FGF13: variants seen among roughly 807,000 people sequenced by gnomAD.
FGF13 encodes fibroblast growth factor homologous factor 2.
Under a neutral mutation model 19.5 loss-of-function variants are expected in FGF13, and 2 were observed. The observed-to-expected ratio is 0.10, with a 90% CI of 0.04 to 0.32. The LOEUF is 0.32. Ranked by LOEUF, FGF13 falls within the 10% of genes least tolerant of loss-of-function variation. The pLI is 1.00. For missense variants in FGF13, 113 were observed against 192.7 expected (o/e 0.59, Z 2.45); for synonymous variants, 72 against 76.9 (o/e 0.94, Z 0.33).
chrX:139,132,387 C>T (rs2083768152), intron 1 of FGF13, among the ~76,000 whole-genome samples: 1 of 112,270 alleles, frequency 8.9e-6, no homozygotes, highest in South Asian at 3.6e-4. Flanking sequence ...TTATTAGGAT[C>T]TGCACTTCTA....
intron 1 of FGF13, among the ~76,000 whole-genome samples, chrX:138,893,427 C>T (rs766107066): frequency 9.0e-6 from 1 of 111,243 alleles, no homozygotes; most frequent in Admixed American, 9.6e-5. Flanking sequence ...GCTCTCTTGT[C>T]AGGTGGGCTC....
chrX:139,202,111 G>A (rs1469349287), intron 1 of FGF13, among the ~76,000 whole-genome samples: 2 of 111,994 alleles, frequency 1.8e-5, no homozygotes, highest in Non-Finnish European at 3.8e-5. Flanking sequence ...TTCCAGATGC[G>A]TTAATCCATT....
At chrX:139,128,617 C>T (rs888635663) in intron 1 of FGF13, among the ~76,000 whole-genome samples, 1 of 112,701 alleles carries the variant, frequency 8.9e-6, no homozygotes, top group Non-Finnish European at 1.9e-5. Flanking sequence ...CAACTGCTCA[C>T]TAGCTGTATG....
intron 1 of FGF13, among the ~76,000 whole-genome samples, chrX:139,022,005 A>T (rs1165000495): frequency 2.7e-5 from 3 of 111,682 alleles, no homozygotes; most frequent in Non-Finnish European, 5.7e-5. Context: ...TCTTTGTGTT[A>T]CTCCAAATAC....
chrX:138,951,666 C>T (rs2091813444), intron 1 of FGF13, among the ~76,000 whole-genome samples: 1 of 111,395 alleles, frequency 9.0e-6, no homozygotes, highest in African/African-American at 3.3e-5. Context: ...TCAGGAAATA[C>T]ACATTAAAAC....
chrX:138,903,384 A>C (rs1043634889), intron 1 of FGF13, among the ~76,000 whole-genome samples: 1 of 111,678 alleles, frequency 9.0e-6, no homozygotes, highest in Admixed American at 9.5e-5. Flanking sequence ...ATTGCAGGTC[A>C]GGCTGAGAAT....
At chrX:138,821,309 G>A (rs2090998177) in intron 3 of FGF13, among the ~76,000 whole-genome samples, 1 of 111,924 alleles carries the variant, frequency 8.9e-6, no homozygotes, top group Admixed American at 9.5e-5. Flanking sequence ...ATGTGACCGA[G>A]CAACTGAATG....
chrX:138,994,984 C>CA (rs5903991), intron 1 of FGF13, among the ~76,000 whole-genome samples: 312 of 85,878 alleles, frequency 3.6e-3, no homozygotes, highest in African/African-American at 0.012. Context: ...ACTATGTAAC[C>CA]AAAAAAAAAA....
At chrX:138,693,134 C>T (rs1437831653) in intron 3 of FGF13, among the ~76,000 whole-genome samples, 1 of 111,791 alleles carries the variant, frequency 8.9e-6, no homozygotes. Context: ...ATTTCACATA[C>T]AAATAATGCC....
At chrX:139,167,461 T>A (rs993084319) in intron 1 of FGF13, among the ~76,000 whole-genome samples, 1 of 111,931 alleles carries the variant, frequency 8.9e-6, no homozygotes, top group African/African-American at 3.2e-5. Context: ...AACTTTTTAT[T>A]CCTGAAATCT....
chrX:139,089,453 G>T (rs1258303276), intron 1 of FGF13, among the ~76,000 whole-genome samples: 4 of 111,959 alleles, frequency 3.6e-5, no homozygotes, highest in Non-Finnish European at 7.5e-5. Flanking sequence ...TCTTATGAAG[G>T]GGTGAAAACT....
At chrX:138,702,941 G>A (rs772943480) in intron 3 of FGF13, 43 bp downstream of exon 3, 3 of 962,876 alleles carry the variant, frequency 3.1e-6, no homozygotes, top group East Asian at 6.1e-5. Context: ...CATATTGGAT[G>A]AAAACTAGAA....
intron 3 of FGF13, among the ~76,000 whole-genome samples, chrX:138,754,835 T>C (rs1437591800): frequency 9.0e-6 from 1 of 111,367 alleles, no homozygotes; most frequent in African/African-American, 3.3e-5. Flanking sequence ...CTAATGAGCT[T>C]CTCTGGTAGA....
intron 1 of FGF13, among the ~76,000 whole-genome samples, chrX:139,198,482 C>A (rs1286202470): frequency 1.8e-5 from 2 of 111,647 alleles, no homozygotes; most frequent in African/African-American, 6.5e-5. Flanking sequence ...CCAGCAGAAG[C>A]CTTTGCCTGT....
chrX:138,659,491 A>G (rs1352389129), intron 3 of FGF13, among the ~76,000 whole-genome samples: 1 of 111,934 alleles, frequency 8.9e-6, no homozygotes, highest in Non-Finnish European at 1.9e-5. Flanking sequence ...ATTGTGGAAG[A>G]CAGTGTGGCC....
intron 1 of FGF13, among the ~76,000 whole-genome samples, chrX:138,872,119 T>C (rs1372185240): frequency 8.9e-6 from 1 of 112,123 alleles, no homozygotes; most frequent in African/African-American, 3.2e-5. Flanking sequence ...AGTTAGATTC[T>C]GGTTATACAC....
At chrX:139,096,060 T>C (rs1169246615) in intron 1 of FGF13, among the ~76,000 whole-genome samples, 2 of 112,254 alleles carry the variant, frequency 1.8e-5, no homozygotes, top group African/African-American at 6.5e-5. Context: ...GCCTGTTCAA[T>C]TCCACTTTAA....
At chrX:139,115,227 A>T (rs1276035256) in intron 1 of FGF13, among the ~76,000 whole-genome samples, 3 of 111,805 alleles carry the variant, frequency 2.7e-5, no homozygotes, top group Non-Finnish European at 3.8e-5. Context: ...ATATCCTTCC[A>T]GTCTGTTTCA....
chrX:139,013,963 A>G (rs1279271925), intron 1 of FGF13, among the ~76,000 whole-genome samples: 1 of 111,477 alleles, frequency 9.0e-6, no homozygotes, highest in Non-Finnish European at 1.9e-5. Context: ...GAACTGTGGA[A>G]ACTGTGCAAA....
Sources: allele counts gnomAD v4.1 joint callset (sites outside exome capture counted in the v4.1 genomes callset), GRCh38; gene constraint gnomAD v4.1.1; transcripts MANE v1.5; gene names NCBI Gene and HGNC (gene_info 2026-07-23, HGNC 2026-07-21).